The following NBEA variants were observed in gnomAD, a reference collection of about 807,000 sequenced individuals.
NBEA encodes lysosomal-trafficking regulator 2.
A neutral mutation model predicts 343.4 loss-of-function variants in NBEA; 44 were observed. That is an observed-to-expected ratio of 0.13 (90% CI 0.10 to 0.16). NBEA has a LOEUF of 0.16. Among genes scored for constraint, NBEA ranks in the 10% least tolerant of loss-of-function variants. The probability of loss-of-function intolerance (pLI) is 1.00; values close to 1 mark genes in which losing one functional copy is unlikely to be tolerated. For missense variants in NBEA, 2,555 were observed against 3,631.3 expected (o/e 0.70, Z 7.62); for synonymous variants, 1,175 against 1,238.7 (o/e 0.95, Z 1.08).
chr13:35,602,256 A>T (rs1247405344), intron 47 of NBEA, among the ~76,000 whole-genome samples: 1 of 152,222 alleles, frequency 6.6e-6, no homozygotes, highest in Non-Finnish European at 1.5e-5. Flanking sequence ...GTGAATATAA[A>T]TTATACTAAT....
chr13:35,135,101 G>A lies in NBEA; in HGVS notation c.2337-7168G>A, dbSNP rs1165343449. Among the ~76,000 whole-genome samples, 3 of 152,012 alleles carry A rather than the reference G, an allele frequency of 2.0e-5. No individual in the cohort carries two copies. In the East Asian group the frequency reaches 5.8e-4, roughly 29 times the overall value. On this transcript the variant is annotated intron_variant, in intron 17 of 58. Transcript: ENST00000379939. ...TAATAAATAAAATAAAACTACAGGAGCACAAAACATGCCCTGTTTTGCTTC... is the reference window on the plus strand; with the variant it reads ...TAATAAATAAAATAAAACTACAGGAACACAAAACATGCCCTGTTTTGCTTC...
intron 38 of NBEA, among the ~76,000 whole-genome samples, chr13:35,410,068 CAG>C (rs982428392): frequency 1.3e-5 from 2 of 151,956 alleles, no homozygotes; most frequent in African/African-American, 2.4e-5. Context: ...CAAAATGTTT[CAG>C]AGAATTTATC....
intron 1 of NBEA, among the ~76,000 whole-genome samples, chr13:34,999,573 G>T (rs1023211919): frequency 1.3e-5 from 2 of 151,880 alleles, no homozygotes; most frequent in Non-Finnish European, 2.9e-5. Flanking sequence ...TGCCATGATT[G>T]TTCTTATGCT....
rs1372774517 is a variant in NBEA at position 35,544,280 on chromosome 13, T to A, written c.6586-6197T>A. On this transcript the variant is annotated intron_variant, in intron 41 of 58. Coordinates refer to ENST00000379939, the MANE Select transcript of NBEA (RefSeq NM_001385012.1). ...ATTCAACTGGAAACAAAATTTAGAT[T>A]TTTTTCGTATTCAAAGAAAAAAAAT... Among the ~76,000 whole-genome samples, 7 of 152,130 alleles carry A rather than the reference T, an allele frequency of 4.6e-5. No homozygotes were observed. The East Asian group carries it at 7.7e-4, about 17-fold the overall frequency.
intron 39 of NBEA, among the ~76,000 whole-genome samples, chr13:35,445,332 A>G (rs543964096): frequency 6.6e-6 from 1 of 152,274 alleles, no homozygotes; most frequent in Non-Finnish European, 1.5e-5. Flanking sequence ...CAAAATTTTA[A>G]TAAACATTTT....
At chr13:34,975,357 G>T (rs894076153) in intron 1 of NBEA, among the ~76,000 whole-genome samples, 3 of 152,134 alleles carry the variant, frequency 2.0e-5, no homozygotes, top group Non-Finnish European at 2.9e-5. Context: ...GCATAAAGTG[G>T]CAAAAGGACA....
chr13:35,283,174 A>G (rs542278162), intron 34 of NBEA, among the ~76,000 whole-genome samples: 1 of 152,132 alleles, frequency 6.6e-6, no homozygotes, highest in Non-Finnish European at 1.5e-5. Context: ...ATGAACTTCA[A>G]TTCTGGCATT....
intron 39 of NBEA, among the ~76,000 whole-genome samples, chr13:35,450,026 C>T (rs2046226466): frequency 6.6e-6 from 1 of 152,178 alleles, no homozygotes; most frequent in South Asian, 2.1e-4. Flanking sequence ...TGTGTTTTTA[C>T]TCTGGCAGCC....
At chr13:35,667,273 C>A in intron 56 of NBEA, 101 bp from the exon 57 acceptor site, 1 of 940,150 alleles carries the variant, frequency 1.1e-6, no homozygotes, top group Non-Finnish European at 1.6e-6. Context: ...CCTCTTCCGT[C>A]ACATCTGAGC....
chr13:35,007,335 T>C (rs1282379866), intron 1 of NBEA, among the ~76,000 whole-genome samples: 1 of 152,192 alleles, frequency 6.6e-6, no homozygotes, highest in African/African-American at 2.4e-5. Context: ...TGAATTTTTT[T>C]TGATGTGTAT....
chr13:35,047,496 A>T (rs187421046), intron 4 of NBEA, among the ~76,000 whole-genome samples: 1 of 152,124 alleles, frequency 6.6e-6, no homozygotes, highest in East Asian at 1.9e-4. Context: ...ATGAGGAAAC[A>T]TATTAGTCTG....
At chr13:35,476,419 G>C (rs2152962082) in intron 41 of NBEA, 1 of 967,266 alleles carries the variant, frequency 1.0e-6, no homozygotes. Flanking sequence ...TCCCCCCTCT[G>C]CTTGTCTCTC....
intron 55 of NBEA, 52 bp from the exon 56 acceptor site, chr13:35,665,033 C>T (rs1399782591): frequency 1.6e-5 from 19 of 1,217,214 alleles, no homozygotes; most frequent in Admixed American, 2.0e-5. Flanking sequence ...TGGTGTAGCT[C>T]TCTCCCCCTG....
intron 53 of NBEA, 61 bp from the exon 54 acceptor site, chr13:35,654,794 G>T: frequency 1.5e-6 from 2 of 1,371,192 alleles, no homozygotes; most frequent in South Asian, 1.5e-5. Flanking sequence ...TTCCTTCTTT[G>T]AGTGCTTGGC....
At chr13:35,333,390 AT>A (rs1481514300) in intron 36 of NBEA, among the ~76,000 whole-genome samples, 3 of 152,102 alleles carry the variant, frequency 2.0e-5, no homozygotes, top group African/African-American at 7.2e-5. Context: ...AGTTAATTGG[AT>A]TTTTAAAATT....
At chr13:35,067,107 A>G (rs902364488) in intron 8 of NBEA, among the ~76,000 whole-genome samples, 1 of 152,088 alleles carries the variant, frequency 6.6e-6, no homozygotes, top group Non-Finnish European at 1.5e-5. Context: ...TAGTATCTGT[A>G]TATGTTACGA....
intron 45 of NBEA, among the ~76,000 whole-genome samples, chr13:35,570,084 A>C (rs1248434217): frequency 2.0e-5 from 3 of 152,174 alleles, no homozygotes; most frequent in African/African-American, 4.8e-5. Flanking sequence ...CCCAGGCTGG[A>C]GTGCAGTGGT....
At chr13:35,103,545 A>G (rs1277310472) in intron 11 of NBEA, among the ~76,000 whole-genome samples, 2 of 151,628 alleles carry the variant, frequency 1.3e-5, no homozygotes, top group Non-Finnish European at 3.0e-5. Flanking sequence ...CCTTACTCTA[A>G]TTGAGATTAT....
chr13:35,369,759 G>A (rs114292190), intron 38 of NBEA, among the ~76,000 whole-genome samples: 3,419 of 151,944 alleles, frequency 0.023, 122 homozygotes, highest in African/African-American at 0.079. Flanking sequence ...GGAGTCTTTA[G>A]GTTTTTCTAG....
Sources: gnomAD v4.1 joint callset for allele counts (sites outside exome capture counted in the v4.1 genomes callset) on GRCh38, gnomAD v4.1.1 for gene constraint, MANE v1.5 for transcripts, NCBI Gene and HGNC (gene_info 2026-07-23, HGNC 2026-07-21) for gene names.